The following DBN1 variants were observed in gnomAD, a reference collection of about 807,000 sequenced individuals.
DBN1 encodes the protein drebrin.
DBN1 carries 21 observed loss-of-function variants against 83.5 expected under a neutral mutation model. The observed-to-expected ratio is 0.25, with a 90% CI of 0.18 to 0.36. DBN1 has a LOEUF of 0.36. DBN1 is among the 10% of genes least tolerant of loss of function. DBN1 has a pLI of 1.00. For synonymous variants in DBN1, 381 were observed against 384.9 expected (o/e 0.99, Z 0.12); for missense variants, 874 against 935.7 (o/e 0.93, Z 0.86).
chr5:177,472,135 CT>C, intron 1 of DBN1: 1 of 1,611,638 alleles, frequency 6.2e-7, no homozygotes, highest in Non-Finnish European at 8.5e-7. Flanking sequence ...GACACGAGAG[CT>C]TGTCTCTCGC....
At chr5:177,460,772 G>T in intron 8 of DBN1, 69 bp from the exon 9 acceptor site, 2 of 1,483,100 alleles carry the variant, frequency 1.3e-6, no homozygotes, top group Non-Finnish European at 1.8e-6. Context: ...CTTTTTTACT[G>T]TATTTTATTT....
intron 1 of DBN1, chr5:177,472,140 C>CAA (rs1757894422): frequency 6.2e-7 from 1 of 1,612,134 alleles, no homozygotes; most frequent in Non-Finnish European, 8.5e-7. Flanking sequence ...GAGAGCTTGT[C>CAA]TCTCGCGTCC....
At chr5:177,459,566 C>A in intron 11 of DBN1, 37 bp downstream of exon 11, 1 of 1,465,058 alleles carries the variant, frequency 6.8e-7, no homozygotes, top group Non-Finnish European at 9.1e-7. Flanking sequence ...CGGGGCCCTC[C>A]TTACCACCCC....
At chr5:177,458,806 A>C in intron 12 of DBN1, 99 bp from the exon 13 acceptor site, 1 of 1,223,994 alleles carries the variant, frequency 8.2e-7, no homozygotes, top group Non-Finnish European at 1.1e-6. Context: ...AGGGACTTCC[A>C]TGCAGGTGTC....
chr5:177,465,622 G>A (rs537535416), intron 8 of DBN1, among the ~76,000 whole-genome samples: 3 of 152,232 alleles, frequency 2.0e-5, no homozygotes, highest in Admixed American at 6.5e-5. Context: ...TTGGGAGGCC[G>A]AGGCGGGCAG....
chr5:177,466,700 C>T lies in DBN1; in HGVS notation c.771+72G>A. On this transcript the variant is annotated intron_variant, in intron 8 of 14. Coordinates refer to ENST00000393565, the MANE Select transcript of DBN1 (RefSeq NM_001363541.2). This position sits in a 1 kb window ranked among gnomAD's most constrained non-coding sequence, Gnocchi z 4.8. ...TGTCCCTGAGCCACTGATCTCCCCA[C>T]AAGGCCCAGGAACACAGGGACCATT... is the stretch of plus-strand genomic sequence containing the variant. The T allele has an allele frequency of 2.6e-6, 4 of 1,558,260 alleles. No homozygotes were observed. Among genetic ancestry groups the T allele is most frequent in the East Asian group, 2.2e-5 (1 of 44,610 alleles).
At chr5:177,465,140 G>A (rs986131789) in intron 8 of DBN1, among the ~76,000 whole-genome samples, 3 of 152,146 alleles carry the variant, frequency 2.0e-5, no homozygotes, top group Non-Finnish European at 4.4e-5. Context: ...GCGACAGAGC[G>A]AGATTCCGTC....
At chr5:177,462,134 C>T (rs939286229) in intron 8 of DBN1, 21 of 814,046 alleles carry the variant, frequency 2.6e-5, no homozygotes, top group South Asian at 5.5e-5. Flanking sequence ...GGGTGGGCAG[C>T]GCCCGCACTT....
chr5:177,472,258 G>A, intron 1 of DBN1: 1 of 1,610,998 alleles, frequency 6.2e-7, no homozygotes, highest in Non-Finnish European at 8.5e-7. Context: ...CCACCTGGCT[G>A]CCCTCCCAGT....
Position 177,466,913 on chromosome 5 carries a change from G to A in DBN1, c.705C>T (p.His235=). Reference sequence around the variant, plus strand: ...GCGCTCCGGGCGGGCAGGCTCACCTGTGCTCCTCGATCTGCTGCTCCCGCT... The same window carrying A: ...GCGCTCCGGGCGGGCAGGCTCACCTATGCTCCTCGATCTGCTGCTCCCGCT... ...YREREQQIEE[H]RRKQQTLEAE... is the part of the protein sequence containing the mutation. The change falls in exon 7 of 15, where the codon CAC becomes CAT. Residue 235 remains histidine, a splice_region_variant and synonymous_variant. Coordinates refer to ENST00000393565, the MANE Select transcript of DBN1 (RefSeq NM_001363541.2). This position sits in a 1 kb window ranked among gnomAD's most constrained non-coding sequence, Gnocchi z 4.8. 6.2e-7 allele frequency: 1 copy of A among 1,612,922 alleles called. No homozygotes were observed.
rs1756753607 is a variant in DBN1, at chr5:177,458,612, G to C, written c.1360C>G (p.Gln454Glu). 6.2e-7 allele frequency: 1 copy of C among 1,611,174 alleles called. No homozygotes were observed. Among genetic ancestry groups the C allele is most frequent in the Non-Finnish European group, 8.5e-7 (1 of 1,178,484 alleles). ...AGPMEEPPQA[Q>E]APPRGPGSPA... ...CTGCCTGGCCCCCGGGGAGGCGCCTGTGCCTGAGGGGGCTCCTCCATGGGG... is the reference window on the plus strand; with the variant it reads ...CTGCCTGGCCCCCGGGGAGGCGCCTCTGCCTGAGGGGGCTCCTCCATGGGG... Residue 454 changes from glutamine (Q) to glutamate (E), a missense_variant, in exon 13 of 15, where the codon CAG (glutamine) becomes GAG (glutamate). By Grantham distance (29) the Gln-to-Glu change is conservative. Transcript: ENST00000393565.
intron 2 of DBN1, 132 bp from the exon 3 acceptor site, chr5:177,468,352 T>A: frequency 1.4e-6 from 1 of 720,360 alleles, no homozygotes; most frequent in Non-Finnish European, 2.4e-6. Context: ...CTGGGGTCTG[T>A]GGGTCCCAGT....
intron 10 of DBN1, 135 bp from the exon 11 acceptor site, chr5:177,459,875 A>G: frequency 1.0e-6 from 1 of 980,736 alleles, no homozygotes; most frequent in Non-Finnish European, 1.4e-6. Context: ...GGGCACAATC[A>G]GCCAAGCCAG....
intron 1 of DBN1, among the ~76,000 whole-genome samples, chr5:177,469,926 AG>A (rs1390347076): frequency 6.6e-6 from 1 of 152,070 alleles, no homozygotes; most frequent in Non-Finnish European, 1.5e-5. Flanking sequence ...GGCTGTGAGG[AG>A]GGGAGGCAGA....
intron 1 of DBN1, 109 bp from the exon 2 acceptor site, chr5:177,469,008 G>C (rs369437441): frequency 5.2e-6 from 3 of 581,478 alleles, no homozygotes; most frequent in Non-Finnish European, 8.4e-6. Context: ...GGACAGGAAC[G>C]GGGAGGGCTC....
chr5:177,471,365 C>T (rs182852), intron 1 of DBN1, among the ~76,000 whole-genome samples: 138,122 of 152,082 alleles, frequency 0.91, 63,679 homozygotes, highest in East Asian at 1. Context: ...CTTCCCACCA[C>T]ACAACCTCAT....
chr5:177,467,936 C>T lies in DBN1; in HGVS notation c.256-119G>A, dbSNP rs540225387. 284 of 1,405,180 alleles carry T rather than the reference C, an allele frequency of 2.0e-4. 1 individual carries two copies. Among genetic ancestry groups the T allele is most frequent in the Middle Eastern group, 1.1e-3 (5 of 4,488 alleles). The allele number at this position is 1,405,180 out of a possible 1,614,324, so 87.0% of individuals were successfully genotyped here. ...TTCCCTCTCCACGGGTGTCAGAGGG[C>T]CGACGGGGAGGGCGACTGCTCTGGG... On this transcript the variant is annotated intron_variant, in intron 3 of 14. Coordinates refer to ENST00000393565, the MANE Select transcript of DBN1 (RefSeq NM_001363541.2). The surrounding 1 kb of genome is among the most constrained non-coding windows in gnomAD (Gnocchi z 9.1).
At chr5:177,462,358 G>A (rs1757112058) in intron 8 of DBN1, 22 of 985,446 alleles carry the variant, frequency 2.2e-5, no homozygotes, top group Admixed American at 6.1e-5. Flanking sequence ...CCCCACCCGG[G>A]GGCCAGGCCC....
rs1254477561 is a variant in DBN1 at position 177,459,247 on chromosome 5, C to T, written c.1115G>A (p.Arg372Gln). Residue 372 changes from arginine (R) to glutamine (Q), a missense_variant, in exon 12 of 15, where the codon CGG becomes CAG. This residue lies in a region of DBN1 where 725 missense variants were observed against 719.7 expected (regional missense o/e 1.01). Coordinates refer to ENST00000393565, the MANE Select transcript of DBN1 (RefSeq NM_001363541.2). ...SLPCSHLDSH[R>Q]RMAPTPIPTR... ...GGGGATGGGAGTGGGCGCCATCCTC[C>T]GGTGGCTGTCCAGGTGGCTGCCTGT... 5.0e-6 allele frequency: 8 copies of T among 1,608,772 alleles called. No homozygotes were observed. Among genetic ancestry groups the T allele is most frequent in the Middle Eastern group, 1.7e-4 (1 of 6,020 alleles).
Sources: gnomAD v4.1 joint callset for allele counts (sites outside exome capture counted in the v4.1 genomes callset) on GRCh38, gnomAD v4.1.1 for gene constraint, gnomAD v4.1.1 regional missense constraint, Gnocchi (gnomAD v3.1) non-coding constraint, MANE v1.5 for transcripts, NCBI Gene and HGNC (gene_info 2026-07-23, HGNC 2026-07-21) for gene names.